VPS13A: variants seen among roughly 807,000 people sequenced by gnomAD.
VPS13A encodes intermembrane lipid transfer protein VPS13A.
VPS13A carries 264 observed loss-of-function variants against 390.9 expected under a neutral mutation model. That is an observed-to-expected ratio of 0.68 (90% CI 0.61 to 0.75). The LOEUF (loss-of-function observed/expected upper bound fraction) is 0.75. VPS13A is among the 30% of genes least tolerant of loss of function. The pLI is 0.00. For synonymous variants in VPS13A, 1,231 were observed against 1,227.1 expected (o/e 1.00, Z -0.07); for missense variants, 3,409 against 3,733.9 (o/e 0.91, Z 2.27).
intron 17 of VPS13A, among the ~76,000 whole-genome samples, chr9:77,236,019 A>C (rs750397525): frequency 1.3e-5 from 2 of 152,196 alleles, no homozygotes; most frequent in Non-Finnish European, 2.9e-5. Flanking sequence ...GCCTTGTGTT[A>C]GATGATTTTT....
rs199568198 is a variant in VPS13A at position 77,226,581 on chromosome 9, C to T, written c.1340C>T (p.Pro447Leu). ...GAACAAAATACTAATGAACAGCAAC[C>T]AGATGTTCAACCTGAAAGTATGTCC... ...WSEQNTNEQQ[P>L]DVQPETLEEM... The change falls in exon 15 of 72, where the codon CCA (proline) becomes CTA (leucine). Residue 447 changes from proline (P) to leucine (L), a missense_variant. Around this residue, in one of 5 missense-constraint regions of VPS13A, gnomAD observed 2,717 missense variants for 2,917.4 expected, o/e 0.93. Transcript: ENST00000360280. 3.7e-5 allele frequency: 59 copies of T among 1,612,294 alleles called. No homozygotes were observed. The highest frequency in any genetic ancestry group is 4.5e-5 in the Non-Finnish European group (53 of 1,179,046).
At chr9:77,367,104 C>T (rs898515984) in intron 61 of VPS13A, among the ~76,000 whole-genome samples, 1 of 152,060 alleles carries the variant, frequency 6.6e-6, no homozygotes, top group African/African-American at 2.4e-5. Context: ...AGTCATAGGC[C>T]ATGCAAGTTT....
chr9:77,200,163 A>G (rs1336785868), intron 2 of VPS13A, among the ~76,000 whole-genome samples, 175 bp downstream of exon 2: 2 of 152,186 alleles, frequency 1.3e-5, no homozygotes, highest in Non-Finnish European at 2.9e-5. Flanking sequence ...GCACAAATGG[A>G]CAGTGTGATT....
rs756720432 is a variant in VPS13A at position 77,273,289 on chromosome 9, TCTA to T, written c.2440_2442del (p.Thr814del). ...ATTACTTTTCTTTCAGATTCAAACATCTACTTCTTTGGGAACATCACAGATTTC... is the reference window on the plus strand; with the variant it reads ...ATTACTTTTCTTTCAGATTCAAACATCTTCTTTGGGAACATCACAGATTTC... On this transcript the variant is annotated inframe_deletion, in exon 24 of 72. Transcript: ENST00000360280. 4.3e-6 allele frequency: 7 copies of T among 1,610,822 alleles called. No individual in the cohort carries two copies. Among genetic ancestry groups the T allele is most frequent in the Non-Finnish European group, 5.9e-6 (7 of 1,178,038 alleles).
chr9:77,323,783 T>G (rs1275063438), intron 45 of VPS13A, among the ~76,000 whole-genome samples: 1 of 152,192 alleles, frequency 6.6e-6, no homozygotes, highest in Non-Finnish European at 1.5e-5. Context: ...TTTACATAAG[T>G]GGAATACAGT....
rs576528358 is a variant in VPS13A at position 77,185,140 on chromosome 9, A to G, written c.100+7336A>G. ...GAGCCCTTACCATGTGGGATATGAC[A>G]TTATCTCTTTTTTTTTTTTTGAGAC... On this transcript the variant is annotated intron_variant, in intron 1 of 71. Transcript: ENST00000360280. Among the ~76,000 whole-genome samples the G allele has an allele frequency of 2.0e-5, 3 of 151,028 alleles. No individual in the cohort carries two copies. In the South Asian group the frequency reaches 6.3e-4, roughly 32 times the overall value.
chr9:77,275,711 C>T, intron 25 of VPS13A, 59 bp downstream of exon 25: 1 of 1,534,332 alleles, frequency 6.5e-7, no homozygotes, highest in Non-Finnish European at 9.0e-7. Flanking sequence ...ATATTTACAG[C>T]TTACTATATA....
chr9:77,308,137 TTC>T lies in VPS13A; in HGVS notation c.4114+45_4114+46del, dbSNP rs751256722. ...TTCAAATTTCTTTCTGCTTTCCTCT[TTC>T]TCTCTTTTTTCTTCTATCTTCTTCC... On this transcript the variant is annotated intron_variant, in intron 35 of 71. Coordinates refer to ENST00000360280, the MANE Select transcript of VPS13A (RefSeq NM_033305.3). The T allele has an allele frequency of 8.7e-5, 139 of 1,605,458 alleles. 1 individual carries two copies. In the African/African-American group the frequency reaches 1.4e-3, roughly 16 times the overall value.
chr9:77,238,482 TTATTA>T (rs1240892878), intron 19 of VPS13A, 96 bp downstream of exon 19: 2 of 956,712 alleles, frequency 2.1e-6, no homozygotes, highest in Non-Finnish European at 3.3e-6. Flanking sequence ...TATTTTAAAT[TTATTA>T]TATTTCTAGA....
chr9:77,247,408 A>G lies in VPS13A; in HGVS notation c.2037+13A>G. On this transcript the variant is annotated intron_variant, in intron 20 of 71. Coordinates refer to ENST00000360280, the MANE Select transcript of VPS13A (RefSeq NM_033305.3). ...TGGTCATCTAAAGGTATATACTAATAATATTTGATTTATGATACAGCATTT... is the reference window on the plus strand; with the variant it reads ...TGGTCATCTAAAGGTATATACTAATGATATTTGATTTATGATACAGCATTT... The G allele has an allele frequency of 6.3e-7, 1 of 1,593,890 alleles. No homozygotes were observed. Among genetic ancestry groups the G allele is most frequent in the Non-Finnish European group, 8.5e-7 (1 of 1,170,084 alleles).
At chr9:77,243,904 A>G (rs1015237939) in intron 19 of VPS13A, among the ~76,000 whole-genome samples, 1 of 152,188 alleles carries the variant, frequency 6.6e-6, no homozygotes, top group Non-Finnish European at 1.5e-5. Flanking sequence ...ATTAACTGTA[A>G]TGAGGGACTG....
rs1554670634 is a variant in VPS13A, at chr9:77,357,678, G to C, written c.7807-14G>C. 2.9e-5 allele frequency: 47 copies of C among 1,612,384 alleles called. No homozygotes were observed. The highest frequency in any genetic ancestry group is 1.6e-4 in the Middle Eastern group (1 of 6,076). ...ATAAATTAATTTTTTCATTTGGGGG[G>C]ACATATTTTTCAGGTTCGCCTAACC... On this transcript the variant is annotated splice_polypyrimidine_tract_variant and intron_variant, in intron 55 of 71. Transcript: ENST00000360280.
chr9:77,196,243 A>G (rs1824993579), intron 1 of VPS13A, among the ~76,000 whole-genome samples: 1 of 152,154 alleles, frequency 6.6e-6, no homozygotes. Context: ...GTACAGGGTG[A>G]TGTTTCAATA....
chr9:77,188,199 G>T (rs550713378), intron 1 of VPS13A, among the ~76,000 whole-genome samples: 18 of 152,190 alleles, frequency 1.2e-4, no homozygotes, highest in Middle Eastern at 3.4e-3. Flanking sequence ...CCAGCAGCTG[G>T]GCAGATAGAT....
chr9:77,375,037 A>G (rs2275548), intron 67 of VPS13A, among the ~76,000 whole-genome samples: 48,635 of 151,868 alleles, frequency 0.32, 8,173 homozygotes, highest in Admixed American at 0.42. Context: ...ATTCTCCTCT[A>G]CCTGTAACTT....
intron 23 of VPS13A, among the ~76,000 whole-genome samples, chr9:77,271,607 A>G (rs72744214): frequency 0.055 from 8,306 of 152,262 alleles, 334 homozygotes; most frequent in South Asian, 0.12. Context: ...ATATTCATAC[A>G]GTAGACTACT....
At chr9:77,370,762 C>T in intron 65 of VPS13A, 128 bp from the exon 66 acceptor site, 1 of 1,411,782 alleles carries the variant, frequency 7.1e-7, no homozygotes, top group African/African-American at 1.4e-5. Flanking sequence ...AAATAAAATA[C>T]TTAGGAGATC....
At chr9:77,354,300 T>C (rs1347455467) in intron 54 of VPS13A, among the ~76,000 whole-genome samples, 2 of 152,074 alleles carry the variant, frequency 1.3e-5, no homozygotes. Context: ...CTATGTACAT[T>C]AATCTATACG....
intron 23 of VPS13A, among the ~76,000 whole-genome samples, chr9:77,267,796 C>T (rs1420351376): frequency 6.6e-6 from 1 of 152,198 alleles, no homozygotes; most frequent in South Asian, 2.1e-4. Flanking sequence ...TGCTCCGTCC[C>T]AGGGAGATGG....
Sources: allele counts gnomAD v4.1 joint callset (sites outside exome capture counted in the v4.1 genomes callset), GRCh38; gene constraint gnomAD v4.1.1; regional missense constraint gnomAD v4.1.1; transcripts MANE v1.5; gene names NCBI Gene and HGNC (gene_info 2026-07-23, HGNC 2026-07-21).